The following GTF2A1L variants were observed in gnomAD, a reference collection of about 807,000 sequenced individuals.
The protein encoded by GTF2A1L is general transcription factor IIA subunit 1 like.
In GTF2A1L, 48 loss-of-function variants were observed where a neutral mutation model predicts 49.7. The observed-to-expected ratio is 0.97, with a 90% CI of 0.77 to 1.23. GTF2A1L has a LOEUF of 1.23. Ranked by LOEUF, GTF2A1L falls within the 50% of genes most tolerant of loss-of-function variation. The pLI, the probability that GTF2A1L is intolerant of heterozygous loss-of-function variation, is 0.00. For synonymous variants in GTF2A1L, 246 were observed against 193.5 expected, an observed-to-expected ratio of 1.27 and a Z score of -2.25; for missense variants, 736 against 564.8, an observed-to-expected ratio of 1.30 and a Z score of -3.07.
chr2:48,673,359 C>CTTTTTTTTTTTTTT (rs34493140), intron 8 of GTF2A1L, among the ~76,000 whole-genome samples: 1 of 109,702 alleles, frequency 9.1e-6, no homozygotes, highest in African/African-American at 3.7e-5. Flanking sequence ...ACACAGGAAA[C>CTTTTTTTTTTTTTT]TTTTTTTTTT....
chr2:48,627,691 G>T lies in GTF2A1L; in HGVS notation c.247+6401G>T, dbSNP rs779091605. Among the ~76,000 whole-genome samples the T allele has an allele frequency of 1.8e-3, 258 of 143,456 alleles. 42 individuals are homozygous for T. Among genetic ancestry groups the T allele is most frequent in the Non-Finnish European group, 3.0e-3 (189 of 63,752 alleles). The allele number at this position is 143,456 out of a possible 152,430, so 94.1% of individuals were successfully genotyped here. A position where few individuals can be genotyped will look rare whatever the true frequency, so the allele number is the denominator to read the frequency against. On this transcript the variant is annotated intron_variant, in intron 3 of 8. Transcript: ENST00000403751. Reference sequence around the variant, plus strand: ...AGATATTCTTTCAAGTAAAAATGGTGTTTCTTGAAAAAAGAGGCCATGTTT... The same window carrying T: ...AGATATTCTTTCAAGTAAAAATGGTTTTTCTTGAAAAAAGAGGCCATGTTT...
rs563909275 is a variant in GTF2A1L at position 48,677,699 on chromosome 2, G to C, written c.1330-1636G>C. Among the ~76,000 whole-genome samples the C allele has an allele frequency of 1.5e-4, 23 of 152,034 alleles. No individual in the cohort carries two copies. In the East Asian group the frequency reaches 3.7e-3, roughly 24 times the overall value. On this transcript the variant is annotated intron_variant, in intron 8 of 8. Transcript: ENST00000403751. Reference sequence around the variant, plus strand: ...GGGTAAAAACAGGAACTAGTTATGAGGCTATTGTATTGACCTGGGCAAGAG... The same window carrying C: ...GGGTAAAAACAGGAACTAGTTATGACGCTATTGTATTGACCTGGGCAAGAG...
chr2:48,671,643 T>C lies in GTF2A1L; in HGVS notation c.1292T>C (p.Phe431Ser). 1 of 1,613,780 alleles carries C rather than the reference T, an allele frequency of 6.2e-7. No individual in the cohort carries two copies. Among genetic ancestry groups the C allele is most frequent in the Non-Finnish European group, 8.5e-7 (1 of 1,179,742 alleles). ...DVSEQDVPDL[F>S]DTDNVIVCQY... ...AGTGAACAGGATGTGCCAGACCTGTTTGACACGGATAATGTTATTGTCTGT... is the reference window on the plus strand; with the variant it reads ...AGTGAACAGGATGTGCCAGACCTGTCTGACACGGATAATGTTATTGTCTGT... The change falls in exon 8 of 9, where the codon TTT becomes TCT. Residue 431 changes from phenylalanine (F) to serine (S), a missense_variant. Physicochemically the swap from Phe to Ser is radical, Grantham distance 155. Transcript: ENST00000403751.
rs151333467 is a variant in GTF2A1L at position 48,646,656 on chromosome 2, G to A, written c.592G>A (p.Ala198Thr). The A allele has an allele frequency of 3.5e-5, 56 of 1,613,854 alleles. 1 individual carries two copies. Among genetic ancestry groups the A allele is most frequent in the Admixed American group, 3.3e-5 (2 of 59,982 alleles). The change falls in exon 6 of 9, where the codon GCA (alanine) becomes ACA (threonine). Residue 198 changes from alanine to threonine, a missense_variant. Ala to Thr is a moderately conservative substitution (Grantham distance 58). Transcript: ENST00000403751. ...AATTGAAACCGTGCTACAGCAACCC[G>A]CAATTCTACCTTCTGGGCCAGTAGA... is the stretch of plus-strand genomic sequence containing the variant. ...QRIETVLQQP[A>T]ILPSGPVDRK...
At chr2:48,641,733 T>G (rs1022468915) in intron 3 of GTF2A1L, among the ~76,000 whole-genome samples, 3 of 152,176 alleles carry the variant, frequency 2.0e-5, no homozygotes, top group Non-Finnish European at 2.9e-5. Flanking sequence ...ATCTTTGAGA[T>G]GTATTATAAA....
rs117870082 is a variant in GTF2A1L at position 48,626,474 on chromosome 2, C to G, written c.247+5184C>G. Reference sequence around the variant, plus strand: ...CATATTTTGCTTTGGGTAGTATGGACATTTTAATGATATCAGTTATTCCAG... The same window carrying G: ...CATATTTTGCTTTGGGTAGTATGGAGATTTTAATGATATCAGTTATTCCAG... On this transcript the variant is annotated intron_variant, in intron 3 of 8. Transcript: ENST00000403751. 8.2e-4 allele frequency among the ~76,000 whole-genome samples: 118 copies of G among 144,692 alleles called. 9 individuals are homozygous for G. The East Asian group carries it at 0.022, about 27-fold the overall frequency. 94.9% of individuals were successfully genotyped at this position (144,692 alleles called of 152,430 possible).
At chr2:48,648,863 G>A (rs1041079085) in intron 6 of GTF2A1L, among the ~76,000 whole-genome samples, 1 of 152,206 alleles carries the variant, frequency 6.6e-6, no homozygotes, top group South Asian at 2.1e-4. Context: ...TTTATTTATT[G>A]TAAGTTACCT....
At chr2:48,664,251 T>A (rs1678688526) in intron 6 of GTF2A1L, among the ~76,000 whole-genome samples, 1 of 152,118 alleles carries the variant, frequency 6.6e-6, no homozygotes, top group African/African-American at 2.4e-5. Context: ...CTATGTTAGC[T>A]GTATGGTTTT....
At chr2:48,643,251 A>G (rs1338272845) in intron 4 of GTF2A1L, among the ~76,000 whole-genome samples, 1 of 152,178 alleles carries the variant, frequency 6.6e-6, no homozygotes, top group African/African-American at 2.4e-5. Context: ...AAGGCAGAAG[A>G]TACATTTACA....
At position 48,646,548 on chromosome 2, in the gene GTF2A1L, CT is replaced by C. The variant is rs751946373; in HGVS notation, c.486del (p.Gly163AlafsTer5). ...TCCAATTCAGCAAGTATTTCAACAG[CT>C]TGGCCAGCCTTCAGTAATACAAACT... ...QHPIQQVFQQ[L>X]GQPSVIQTSV... On this transcript the variant is annotated frameshift_variant, in exon 6 of 9. Coordinates refer to ENST00000403751, the MANE Select transcript of GTF2A1L (RefSeq NM_006872.5). LOFTEE classifies it high-confidence loss of function. 6.2e-7 allele frequency: 1 copy of C among 1,614,162 alleles called. No homozygotes were observed. Among genetic ancestry groups the C allele is most frequent in the Non-Finnish European group, 8.5e-7 (1 of 1,180,034 alleles).
At position 48,627,501 on chromosome 2, in the gene GTF2A1L, T is replaced by C. The variant is rs982286365; in HGVS notation, c.247+6211T>C. ...TTGATATAACTAGGCCTCTCATCCA[T>C]TGTGGTTGATATGAATTTTCCAAAA... On this transcript the variant is annotated intron_variant, in intron 3 of 8. Transcript: ENST00000403751. Among the ~76,000 whole-genome samples the C allele has an allele frequency of 2.1e-5, 3 of 144,104 alleles. 1 individual carries two copies. Among genetic ancestry groups the C allele is most frequent in the Non-Finnish European group, 3.1e-5 (2 of 63,984 alleles). The allele number at this position is 144,104 out of a possible 152,430, so 94.5% of individuals were successfully genotyped here. A position where few individuals can be genotyped will look rare whatever the true frequency, so the allele number is the denominator to read the frequency against.
rs371502269 is a variant in GTF2A1L, at chr2:48,646,599, T to A, written c.535T>A (p.Ser179Thr). Residue 179 changes from serine to threonine, a missense_variant, in exon 6 of 9, where the codon TCT becomes ACT. Ser to Thr is a moderately conservative substitution (Grantham distance 58). Transcript: ENST00000403751. ...QTSVPQLNPW[S>T]LQATTEKSQR... is the part of the protein sequence containing the mutation. ...TAGTGTTCCACAATTGAATCCATGG[T>A]CTCTTCAAGCAACTACTGAAAAATC... The A allele has an allele frequency of 6.8e-6, 11 of 1,613,940 alleles. No homozygotes were observed. In the African/African-American group the frequency reaches 1.5e-4, roughly 22 times the overall value.
rs1679181601 is a variant in GTF2A1L at position 48,671,734 on chromosome 2, AG to A, written c.1329+56del. 2.0e-6 allele frequency: 3 copies of A among 1,485,786 alleles called. No homozygotes were observed. The East Asian group carries it at 6.9e-5, about 34-fold the overall frequency. The allele number at this position is 1,485,786 out of a possible 1,614,324, so 92.0% of individuals were successfully genotyped here. A position where few individuals can be genotyped will look rare whatever the true frequency, so the allele number is the denominator to read the frequency against. On this transcript the variant is annotated intron_variant, in intron 8 of 8. Coordinates refer to ENST00000403751, the MANE Select transcript of GTF2A1L (RefSeq NM_006872.5). ...TTTATTAACTGCATTTATAGTAGAAAGGTATGTAAAATGATGGGAAATAAGA... is the reference window on the plus strand; with the variant it reads ...TTTATTAACTGCATTTATAGTAGAAAGTATGTAAAATGATGGGAAATAAGA...
Position 48,626,690 on chromosome 2 carries a change from G to A in GTF2A1L, c.247+5400G>A, listed in dbSNP as rs572054801. Among the ~76,000 whole-genome samples, 25 of 143,324 alleles carry A rather than the reference G, an allele frequency of 1.7e-4. 4 individuals are homozygous for A. In the South Asian group the frequency reaches 4.3e-3, roughly 24 times the overall value. The allele number at this position is 143,324 out of a possible 152,430, so 94.0% of individuals were successfully genotyped here. A position where few individuals can be genotyped will look rare whatever the true frequency, so the allele number is the denominator to read the frequency against. ...TGGGCGCAAGCCATTCTCCCACCTC[G>A]GACTCCCAAAGTAGCTGGGACTACA... On this transcript the variant is annotated intron_variant, in intron 3 of 8. Coordinates refer to ENST00000403751, the MANE Select transcript of GTF2A1L (RefSeq NM_006872.5).
chr2:48,669,867 A>T lies in GTF2A1L; in HGVS notation c.1124A>T (p.Asn375Ile). 1 of 1,614,052 alleles carries T rather than the reference A, an allele frequency of 6.2e-7. No homozygotes were observed. The highest frequency in any genetic ancestry group is 8.5e-7 in the Non-Finnish European group (1 of 1,180,000). ...RDADENEFLG[N>I]IDGGDLKVPE... ...GCAGATGAGAATGAATTTCTAGGGA[A>T]TATTGACGGGGGAGATCTGAAGGTA... The change falls in exon 7 of 9, where the codon AAT becomes ATT. Residue 375 changes from asparagine to isoleucine, a missense_variant. By Grantham distance (149) the Asn-to-Ile change is moderately radical. Coordinates refer to ENST00000403751, the MANE Select transcript of GTF2A1L (RefSeq NM_006872.5).
chr2:48,622,360 AT>A (rs1442685093), intron 3 of GTF2A1L, among the ~76,000 whole-genome samples: 1 of 152,266 alleles, frequency 6.6e-6, no homozygotes, highest in East Asian at 1.9e-4. Flanking sequence ...TTGTTGACAC[AT>A]TGAAACATTT....
intron 3 of GTF2A1L, among the ~76,000 whole-genome samples, chr2:48,634,145 C>G (rs188180153): frequency 1.3e-5 from 2 of 152,234 alleles, no homozygotes; most frequent in Admixed American, 1.3e-4. Flanking sequence ...AGGAGTCTTG[C>G]TCTGTCACTC....
intron 3 of GTF2A1L, among the ~76,000 whole-genome samples, chr2:48,621,760 G>C (rs1405041794): frequency 6.6e-6 from 1 of 152,140 alleles, no homozygotes; most frequent in Non-Finnish European, 1.5e-5. Context: ...CACTGTTTTG[G>C]ATATATAAAA....
intron 6 of GTF2A1L, among the ~76,000 whole-genome samples, chr2:48,652,473 G>C (rs1301581058): frequency 6.6e-6 from 1 of 151,480 alleles, no homozygotes; most frequent in Non-Finnish European, 1.5e-5. Flanking sequence ...AAAATTAGCG[G>C]AGTGTGGTGG....
Sources: allele counts gnomAD v4.1 joint callset (sites outside exome capture counted in the v4.1 genomes callset), GRCh38; gene constraint gnomAD v4.1.1; transcripts MANE v1.5; gene names NCBI Gene and HGNC (gene_info 2026-07-23, HGNC 2026-07-21).